The following NCS1 variants were observed in gnomAD, a reference collection of about 807,000 sequenced individuals.
NCS1 encodes the protein frequenin homolog.
NCS1 carries 6 observed loss-of-function variants against 28.4 expected under a neutral mutation model. The ratio of observed to expected loss-of-function variants is 0.21; its 90% CI spans 0.12 to 0.42. NCS1 has a LOEUF of 0.42. Ranked by LOEUF, NCS1 falls within the 10% of genes least tolerant of loss-of-function variation. NCS1 has a pLI of 1.00. For synonymous variants in NCS1, 86 were observed against 99.3 expected (o/e 0.87, Z 0.79); for missense variants, 131 against 241.4 (o/e 0.54, Z 3.03).
At chr9:130,187,353 T>C (rs941060304) in intron 1 of NCS1, among the ~76,000 whole-genome samples, 3 of 152,154 alleles carry the variant, frequency 2.0e-5, no homozygotes, top group Admixed American at 6.5e-5. Context: ...TGAGTCACTC[T>C]GTGCCTCCTC....
rs782488225 is a variant in NCS1 at position 130,224,292 on chromosome 9, TAAAAAAAAAAAAA to T, written c.474+1142_474+1154del. Among the ~76,000 whole-genome samples the T allele has an allele frequency of 1.4e-3, 88 of 61,746 alleles. 1 individual carries two copies. Among genetic ancestry groups the T allele is most frequent in the African/African-American group, 5.2e-3 (83 of 16,056 alleles). The allele number at this position is 61,746 out of a possible 152,430, so 40.5% of individuals were successfully genotyped here. A position where few individuals can be genotyped will look rare whatever the true frequency, so the allele number is the denominator to read the frequency against. ...CAACATGGTGAATCCCTTTCTCTAC[TAAAAAAAAAAAAA>T]AAAAAAAATCCGGGAGGCAGCAGTT... On this transcript the variant is annotated intron_variant, in intron 6 of 7. Coordinates refer to ENST00000372398, the MANE Select transcript of NCS1 (RefSeq NM_014286.4).
chr9:130,172,949 C>T (rs1554904246), intron 1 of NCS1, among the ~76,000 whole-genome samples: 2 of 151,842 alleles, frequency 1.3e-5, no homozygotes, highest in African/African-American at 2.4e-5. Context: ...GAGTGCGCGC[C>T]GGTCGGCGTG....
chr9:130,191,074 G>A lies in NCS1; in HGVS notation c.65-9884G>A, dbSNP rs578102228. Among the ~76,000 whole-genome samples, 12 of 152,296 alleles carry A rather than the reference G, an allele frequency of 7.9e-5. No individual in the cohort carries two copies. The highest frequency in any genetic ancestry group is 2.6e-4 in the African/African-American group (11 of 41,564). On this transcript the variant is annotated intron_variant, in intron 1 of 7. Transcript: ENST00000372398. This position sits in a 1 kb window ranked among gnomAD's most constrained non-coding sequence, Gnocchi z 6.4. Reference sequence around the variant, plus strand: ...CTCATCGGCACAGCATCTCCAGGGCGCCCACCATGTGCTGGGCTCAGTGCT... The same window carrying A: ...CTCATCGGCACAGCATCTCCAGGGCACCCACCATGTGCTGGGCTCAGTGCT...
intron 1 of NCS1, among the ~76,000 whole-genome samples, chr9:130,183,306 T>TG (rs199872244): frequency 0.093 from 13,270 of 141,936 alleles, 582 homozygotes; most frequent in East Asian, 0.18. Flanking sequence ...ACCATGCGGC[T>TG]GGGGGGGGGA....
chr9:130,200,835 GTTGCCCGGGGACATGGCC>G, intron 1 of NCS1, 105 bp from the exon 2 acceptor site: 1 of 1,475,616 alleles, frequency 6.8e-7, no homozygotes, highest in Non-Finnish European at 9.5e-7. Context: ...AGAGCAGGCC[GTTGCCCGGGGACATGGCC>G]GTGGGGAGGG....
In NCS1 at chr9:130,226,481, G is replaced by A; in HGVS notation, c.567G>A (p.Leu189=). 1 of 1,613,184 alleles carries A rather than the reference G, an allele frequency of 6.2e-7. No individual in the cohort carries two copies. The highest frequency in any genetic ancestry group is 8.5e-7 in the Non-Finnish European group (1 of 1,179,538). The change falls in exon 7 of 8, where the codon CTG becomes CTA. Residue 189 remains leucine (L), a synonymous_variant. Coordinates refer to ENST00000372398, the MANE Select transcript of NCS1 (RefSeq NM_014286.4). The surrounding 1 kb of genome is among the most constrained non-coding windows in gnomAD (Gnocchi z 4.8). ...AGGCGCTGTCCCTCTACGACGGGCT[G>A]GTATAGTCCCAGGCTGGAGCTGGGT... The part of the protein sequence containing the change: ...IVQALSLYDG[L]V
In NCS1 at chr9:130,225,752, T is replaced by G. The variant is rs552309318; in HGVS notation, c.475-637T>G. ...ATCCCTGAGCACAGCTCGGTTGTGC[T>G]CATCGGCGCTGTTTTCGGCACTTAC... On this transcript the variant is annotated intron_variant, in intron 6 of 7. Coordinates refer to ENST00000372398, the MANE Select transcript of NCS1 (RefSeq NM_014286.4). 5.9e-5 allele frequency among the ~76,000 whole-genome samples: 9 copies of G among 152,338 alleles called. No individual in the cohort carries two copies. The East Asian group carries it at 1.7e-3, about 29-fold the overall frequency.
chr9:130,235,829 G>A lies in NCS1; in HGVS notation c.*2857G>A, dbSNP rs550720461. The A allele has an allele frequency of 9.2e-5, 14 of 152,446 alleles. No individual in the cohort carries two copies. The highest frequency in any genetic ancestry group is 3.9e-4 in the East Asian group (2 of 5,176). 9.4% of individuals were successfully genotyped at this position (152,446 alleles called of 1,614,324 possible). A position where few individuals can be genotyped will look rare whatever the true frequency, so the allele number is the denominator to read the frequency against. ...CACAGCGGCGTTTGCCACCCAATGC[G>A]GCTCGCTTCAGATGCTCTGATGCAG... On this transcript the variant is annotated 3_prime_UTR_variant, in exon 8 of 8. Coordinates refer to ENST00000372398, the MANE Select transcript of NCS1 (RefSeq NM_014286.4).
chr9:130,197,056 G>A (rs146113472), intron 1 of NCS1, among the ~76,000 whole-genome samples: 400 of 152,294 alleles, frequency 2.6e-3, no homozygotes, highest in Non-Finnish European at 4.3e-3. Context: ...GTCTGATTAT[G>A]TCCTTGTGGT....
intron 1 of NCS1, among the ~76,000 whole-genome samples, chr9:130,189,677 A>G (rs1832787852): frequency 6.6e-6 from 1 of 151,736 alleles, no homozygotes; most frequent in African/African-American, 2.4e-5. Flanking sequence ...CCCTGTCTCT[A>G]CTAAAAATAC....
chr9:130,191,569 G>A lies in NCS1; in HGVS notation c.65-9389G>A, dbSNP rs1185341749. On this transcript the variant is annotated intron_variant, in intron 1 of 7. Coordinates refer to ENST00000372398, the MANE Select transcript of NCS1 (RefSeq NM_014286.4). The surrounding 1 kb of genome is among the most constrained non-coding windows in gnomAD (Gnocchi z 6.4). Reference sequence around the variant, plus strand: ...TCAGAGCCTGGTCAGCTGGATGGCCGTGGGCATGGGGCTCCCCTGATGAGC... The same window carrying A: ...TCAGAGCCTGGTCAGCTGGATGGCCATGGGCATGGGGCTCCCCTGATGAGC... Among the ~76,000 whole-genome samples, 1 of 152,180 alleles carries A rather than the reference G, an allele frequency of 6.6e-6. No homozygotes were observed. Among genetic ancestry groups the A allele is most frequent in the Non-Finnish European group, 1.5e-5 (1 of 68,020 alleles).
intron 6 of NCS1, among the ~76,000 whole-genome samples, chr9:130,224,861 C>T (rs1163676266): frequency 2.6e-5 from 4 of 152,252 alleles, no homozygotes; most frequent in African/African-American, 7.2e-5. Context: ...GAAATAATGA[C>T]GTTAGGGAAA....
intron 1 of NCS1, among the ~76,000 whole-genome samples, chr9:130,174,376 C>T (rs757749295): frequency 1.5e-4 from 23 of 152,208 alleles, no homozygotes; most frequent in Non-Finnish European, 3.2e-4. Flanking sequence ...ACTGCTCTAC[C>T]AGGCTGGGTG....
intron 1 of NCS1, among the ~76,000 whole-genome samples, chr9:130,187,516 A>G (rs982929518): frequency 3.3e-5 from 5 of 152,102 alleles, no homozygotes; most frequent in African/African-American, 1.2e-4. Flanking sequence ...CCTGGAACAC[A>G]TGTCCTAAAA....
rs1833247785 is a variant in NCS1 at position 130,219,694 on chromosome 9, G to T, written c.229-31G>T. ...CTGACCCGGTGGCCTGGCCGGCACT[G>T]ACTGAGGCAATCCCCTCTCTCTCCT... On this transcript the variant is annotated intron_variant, in intron 3 of 7. Transcript: ENST00000372398. The surrounding 1 kb of genome is among the most constrained non-coding windows in gnomAD (Gnocchi z 5.7). 1 of 1,612,232 alleles carries T rather than the reference G, an allele frequency of 6.2e-7. No individual in the cohort carries two copies. Among genetic ancestry groups the T allele is most frequent in the Non-Finnish European group, 8.5e-7 (1 of 1,178,284 alleles).
intron 1 of NCS1, among the ~76,000 whole-genome samples, chr9:130,176,211 G>T (rs1272150328): frequency 1.8e-5 from 1 of 54,848 alleles, no homozygotes; most frequent in Non-Finnish European, 4.1e-5. Context: ...TTTTTTTTTG[G>T]AGACAGGGTC....
chr9:130,204,361 T>C (rs1554907826), intron 2 of NCS1, among the ~76,000 whole-genome samples: 1 of 152,124 alleles, frequency 6.6e-6, no homozygotes, highest in African/African-American at 2.4e-5. Context: ...CTACCAAAGC[T>C]CACTGCAGCC....
chr9:130,174,049 C>T (rs1554904376), intron 1 of NCS1, among the ~76,000 whole-genome samples: 1 of 152,190 alleles, frequency 6.6e-6, no homozygotes, highest in African/African-American at 2.4e-5. Flanking sequence ...AGCCCCTGGG[C>T]ACAGGGGCTG....
In NCS1 at chr9:130,233,578, G is replaced by A. The variant is rs1487104189; in HGVS notation, c.*606G>A. On this transcript the variant is annotated 3_prime_UTR_variant, in exon 8 of 8. Coordinates refer to ENST00000372398, the MANE Select transcript of NCS1 (RefSeq NM_014286.4). This position sits in a 1 kb window ranked among gnomAD's most constrained non-coding sequence, Gnocchi z 4.8. ...TTATGAGGATGATGATTTTTTTTGT[G>A]ATAACAGTATTGTGCTTTTTGTGGG... 1 of 151,922 alleles carries A rather than the reference G, an allele frequency of 6.6e-6. No homozygotes were observed. Among genetic ancestry groups the A allele is most frequent in the Non-Finnish European group, 1.5e-5 (1 of 67,918 alleles). 9.4% of individuals were successfully genotyped at this position (151,922 alleles called of 1,614,324 possible).
Sources: gnomAD v4.1 joint callset for allele counts (sites outside exome capture counted in the v4.1 genomes callset) on GRCh38, gnomAD v4.1.1 for gene constraint, Gnocchi (gnomAD v3.1) non-coding constraint, MANE v1.5 for transcripts, NCBI Gene and HGNC (gene_info 2026-07-23, HGNC 2026-07-21) for gene names.